Variants in RAB30 observed in about 807,000 individuals in gnomAD.
The protein encoded by RAB30 is RAB30, member RAS oncogene family, also known as ras-related protein Rab-30.
RAB30 carries 9 observed loss-of-function variants against 25.1 expected under a neutral mutation model. That is an observed-to-expected ratio of 0.36 (90% CI 0.22 to 0.63). RAB30 has a LOEUF of 0.63. Ranked by LOEUF, RAB30 falls within the 20% of genes least tolerant of loss-of-function variation. The probability of loss-of-function intolerance (pLI) is 0.69; values close to 1 mark genes in which losing one functional copy is unlikely to be tolerated. For synonymous variants in RAB30, 77 were observed against 86.4 expected, an observed-to-expected ratio of 0.89 and a Z score of 0.60; for missense variants, 140 against 243.5, an observed-to-expected ratio of 0.58 and a Z score of 2.83.
At chr11:83,040,833 G>C (rs1365584730) in intron 1 of RAB30, 1 of 154,742 alleles carries the variant, frequency 6.5e-6, no homozygotes, top group Non-Finnish European at 1.5e-5. Flanking sequence ...CCAGACTGGA[G>C]ATGTATTTGA....
At chr11:83,044,228 G>A (rs1001932992) in intron 1 of RAB30, among the ~76,000 whole-genome samples, 3 of 152,182 alleles carry the variant, frequency 2.0e-5, no homozygotes, top group Non-Finnish European at 4.4e-5. Flanking sequence ...TCTACCCCCT[G>A]AAAATCCCTA....
intron 1 of RAB30, among the ~76,000 whole-genome samples, chr11:83,013,931 G>C (rs1486046750): frequency 6.6e-6 from 1 of 152,202 alleles, no homozygotes; most frequent in Non-Finnish European, 1.5e-5. Context: ...ACAACTCTGA[G>C]ACATAAGTGT....
intron 1 of RAB30, among the ~76,000 whole-genome samples, chr11:83,042,281 A>C (rs1858140931): frequency 6.6e-6 from 1 of 152,040 alleles, no homozygotes; most frequent in Non-Finnish European, 1.5e-5. Context: ...GGCCAGTTGC[A>C]GTGGCTCATG....
At chr11:83,040,934 C>A in intron 1 of RAB30, 1 of 153,690 alleles carries the variant, frequency 6.5e-6, no homozygotes, top group South Asian at 1.8e-4. Context: ...TGGCTCACAC[C>A]TGTAATCCCA....
intron 1 of RAB30, among the ~76,000 whole-genome samples, chr11:83,042,850 ACACAAATAAG>A (rs1858157612): frequency 6.6e-6 from 1 of 152,218 alleles, no homozygotes; most frequent in South Asian, 2.1e-4. Context: ...ATATCATAAA[ACACAAATAAG>A]CAGGGAGACT....
chr11:82,984,565 G>A (rs1390392422), intron 4 of RAB30, among the ~76,000 whole-genome samples: 1 of 152,148 alleles, frequency 6.6e-6, no homozygotes, highest in Non-Finnish European at 1.5e-5. Context: ...CGTGGTCTAC[G>A]GTAGTCTTGT....
rs1856561575 is a variant in RAB30 at position 82,977,293 on chromosome 11, C to T, written c.*4872G>A. ...AGTCTCTTGGCCTAACAACGTGCAACCAACCTCTTCCCTGAAAGATAAAGG... is the reference window on the plus strand; with the variant it reads ...AGTCTCTTGGCCTAACAACGTGCAATCAACCTCTTCCCTGAAAGATAAAGG... On this transcript the variant is annotated 3_prime_UTR_variant, in exon 5 of 5. Coordinates refer to ENST00000527633, the MANE Select transcript of RAB30 (RefSeq NM_001286060.2). The T allele has an allele frequency of 6.6e-6, 1 of 152,148 alleles. No homozygotes were observed. Among genetic ancestry groups the T allele is most frequent in the Non-Finnish European group, 1.5e-5 (1 of 68,018 alleles). The allele number at this position is 152,148 out of a possible 1,614,324, so 9.4% of individuals were successfully genotyped here.
rs565128744 is a variant in RAB30 at position 83,055,151 on chromosome 11, T to C, written c.-9+16540A>G. Among the ~76,000 whole-genome samples the C allele has an allele frequency of 3.9e-5, 6 of 152,348 alleles. No homozygotes were observed. The East Asian group carries it at 1.2e-3, about 29-fold the overall frequency. Reference sequence around the variant, plus strand: ...TTTCTGCATCTGCATCTGCATCTGTTAATTGGAGCTATTAATAGCTCCAAA... The same window carrying C: ...TTTCTGCATCTGCATCTGCATCTGTCAATTGGAGCTATTAATAGCTCCAAA... On this transcript the variant is annotated intron_variant, in intron 1 of 4. Transcript: ENST00000527633.
rs373062586 is a variant in RAB30, at chr11:83,021,084, C to T, written c.-8-23760G>A. Among the ~76,000 whole-genome samples, 44 of 152,322 alleles carry T rather than the reference C, an allele frequency of 2.9e-4. 1 individual carries two copies. In the East Asian group the frequency reaches 4.4e-3, roughly 15 times the overall value. ...GCTAGGAGTTAAACACTCATCAGGA[C>T]ATCCTGGCCATGGAGAGGAGCTGCT... is the stretch of plus-strand genomic sequence containing the variant. On this transcript the variant is annotated intron_variant, in intron 1 of 4. Transcript: ENST00000527633.
chr11:83,047,913 C>T (rs1357653255), intron 1 of RAB30, among the ~76,000 whole-genome samples: 1 of 152,174 alleles, frequency 6.6e-6, no homozygotes, highest in Non-Finnish European at 1.5e-5. Context: ...GTATAAATCA[C>T]AAAGTTGATC....
chr11:82,983,944 T>C (rs1252272402), intron 4 of RAB30, among the ~76,000 whole-genome samples: 6 of 152,172 alleles, frequency 3.9e-5, no homozygotes, highest in African/African-American at 4.8e-5. Context: ...GCTGGTACCA[T>C]TGGGAACTGG....
At chr11:83,013,315 C>T (rs977688849) in intron 1 of RAB30, among the ~76,000 whole-genome samples, 1 of 152,126 alleles carries the variant, frequency 6.6e-6, no homozygotes, top group Non-Finnish European at 1.5e-5. Flanking sequence ...AAACTCCTGA[C>T]CTCAAGTGAT....
intron 1 of RAB30, among the ~76,000 whole-genome samples, chr11:83,045,068 A>G (rs987281751): frequency 1.3e-5 from 2 of 152,246 alleles, no homozygotes; most frequent in Admixed American, 1.3e-4. Context: ...AAATCTGCAC[A>G]TTAGCCTATC....
chr11:83,019,611 G>A (rs553792757), intron 1 of RAB30, among the ~76,000 whole-genome samples: 3 of 151,976 alleles, frequency 2.0e-5, no homozygotes, highest in South Asian at 4.2e-4. Flanking sequence ...TCTCCCCCAC[G>A]AAGTCCTCCC....
chr11:82,994,983 G>A (rs1590840452), intron 2 of RAB30, among the ~76,000 whole-genome samples: 1 of 152,106 alleles, frequency 6.6e-6, no homozygotes. Flanking sequence ...ACTTCAAACT[G>A]GAAACTTAAC....
intron 1 of RAB30, among the ~76,000 whole-genome samples, chr11:83,024,172 GTTAAGT>G (rs1197610968): frequency 6.6e-6 from 1 of 152,182 alleles, no homozygotes; most frequent in Admixed American, 6.5e-5. Context: ...AAAGGTTAGC[GTTAAGT>G]TTAAGTATTC....
At chr11:83,059,784 C>T (rs1373813586) in intron 1 of RAB30, among the ~76,000 whole-genome samples, 1 of 152,058 alleles carries the variant, frequency 6.6e-6, no homozygotes, top group Non-Finnish European at 1.5e-5. Flanking sequence ...ACAATAGCTA[C>T]ATTTGGGACA....
At chr11:83,068,626 G>A (rs1406756113) in intron 1 of RAB30, among the ~76,000 whole-genome samples, 1 of 152,148 alleles carries the variant, frequency 6.6e-6, no homozygotes, top group African/African-American at 2.4e-5. Flanking sequence ...CTTCATTCTA[G>A]TCTTTCTCCT....
intron 1 of RAB30, among the ~76,000 whole-genome samples, chr11:83,012,447 G>GAGTCTGA (rs1053325855): frequency 1.3e-5 from 2 of 152,200 alleles, no homozygotes; most frequent in Admixed American, 1.3e-4. Context: ...CACACTGCCT[G>GAGTCTGA]AGTCTGAATC....
Sources: gnomAD v4.1 joint callset for allele counts (sites outside exome capture counted in the v4.1 genomes callset) on GRCh38, gnomAD v4.1.1 for gene constraint, MANE v1.5 for transcripts, NCBI Gene and HGNC (gene_info 2026-07-23, HGNC 2026-07-21) for gene names.